Variants in MTUS2 observed in about 807,000 individuals in gnomAD.
The protein encoded by MTUS2 is microtubule-associated tumor suppressor candidate 2.
Under a neutral mutation model 114.1 loss-of-function variants are expected in MTUS2, and 40 were observed. The ratio of observed to expected loss-of-function variants is 0.35; its 90% CI spans 0.27 to 0.46. The LOEUF (loss-of-function observed/expected upper bound fraction) is 0.46. Ranked by LOEUF, MTUS2 falls within the 20% of genes least tolerant of loss-of-function variation. The pLI, the probability that MTUS2 is intolerant of heterozygous loss-of-function variation, is 1.00. For synonymous variants in MTUS2, 688 were observed against 672.0 expected (o/e 1.02, Z -0.37); for missense variants, 1,679 against 1,705.4 (o/e 0.98, Z 0.27).
chr13:29,248,449 T>A (rs985636571), intron 5 of MTUS2, among the ~76,000 whole-genome samples: 3 of 152,190 alleles, frequency 2.0e-5, no homozygotes, highest in Admixed American at 1.3e-4. Flanking sequence ...ATTTTCTTTT[T>A]AAAAAAATTT....
chr13:28,950,225 G>T (rs1485795556), intron 2 of MTUS2, among the ~76,000 whole-genome samples: 1 of 151,998 alleles, frequency 6.6e-6, no homozygotes. Flanking sequence ...TCATATTCTT[G>T]TTGGCCATTT....
intron 6 of MTUS2, among the ~76,000 whole-genome samples, chr13:29,299,969 G>T (rs944187282): frequency 1.6e-4 from 24 of 152,084 alleles, no homozygotes; most frequent in African/African-American, 5.8e-4. Context: ...TGGAGGGGGG[G>T]GCACTTGATT....
chr13:28,981,871 C>T (rs572066949), intron 2 of MTUS2, among the ~76,000 whole-genome samples: 22 of 152,302 alleles, frequency 1.4e-4, no homozygotes, highest in African/African-American at 5.1e-4. Context: ...ACCATTGTGT[C>T]ACCCCGAGGC....
intron 5 of MTUS2, among the ~76,000 whole-genome samples, chr13:29,186,200 T>C (rs1894216710): frequency 6.6e-6 from 1 of 152,166 alleles, no homozygotes; most frequent in African/African-American, 2.4e-5. Flanking sequence ...GGCAACTGAG[T>C]GAGACCTTGT....
At chr13:29,188,529 G>A (rs1894315466) in intron 5 of MTUS2, among the ~76,000 whole-genome samples, 1 of 152,104 alleles carries the variant, frequency 6.6e-6, no homozygotes, top group Admixed American at 6.5e-5. Flanking sequence ...GTTTAAATAA[G>A]CAGAGTTTTA....
At chr13:29,312,118 C>T (rs1029505066) in intron 6 of MTUS2, among the ~76,000 whole-genome samples, 18 of 152,320 alleles carry the variant, frequency 1.2e-4, no homozygotes, top group African/African-American at 3.8e-4. Flanking sequence ...CATGTCTCAG[C>T]TCAAACATAA....
At chr13:28,859,217 T>C (rs573482079) in intron 2 of MTUS2, among the ~76,000 whole-genome samples, 2 of 152,300 alleles carry the variant, frequency 1.3e-5, no homozygotes, top group African/African-American at 4.8e-5. Flanking sequence ...TGACCCTGTG[T>C]TGCCCTGTTC....
intron 6 of MTUS2, among the ~76,000 whole-genome samples, chr13:29,286,582 A>C (rs1163361397): frequency 6.6e-6 from 1 of 152,234 alleles, no homozygotes; most frequent in African/African-American, 2.4e-5. Flanking sequence ...TAGTGTGACC[A>C]TAAGTTTCAT....
intron 5 of MTUS2, among the ~76,000 whole-genome samples, chr13:29,131,914 G>A (rs1343654677): frequency 2.0e-5 from 3 of 152,230 alleles, no homozygotes; most frequent in Admixed American, 1.3e-4. Flanking sequence ...GTGTTGTGGT[G>A]CTGCACTAGC....
At chr13:29,105,380 G>A (rs1326972024) in intron 5 of MTUS2, among the ~76,000 whole-genome samples, 5 of 152,218 alleles carry the variant, frequency 3.3e-5, no homozygotes, top group Non-Finnish European at 5.9e-5. Context: ...AGATCATATC[G>A]CCCAAGGATA....
At chr13:29,209,035 A>G (rs1169216815) in intron 5 of MTUS2, among the ~76,000 whole-genome samples, 1 of 152,190 alleles carries the variant, frequency 6.6e-6, no homozygotes, top group East Asian at 1.9e-4. Flanking sequence ...GAAGTCTCCC[A>G]CTTATTATTG....
intron 8 of MTUS2, among the ~76,000 whole-genome samples, chr13:29,387,851 G>A (rs914396953): frequency 3.9e-5 from 6 of 152,056 alleles, no homozygotes; most frequent in East Asian, 1.9e-4. Context: ...CTGAAGTCCC[G>A]TGAAAGGCAG....
intron 8 of MTUS2, among the ~76,000 whole-genome samples, chr13:29,393,291 T>A (rs934335769): frequency 1.3e-5 from 2 of 151,910 alleles, no homozygotes; most frequent in Admixed American, 1.3e-4. Context: ...ACATGCCATT[T>A]GTTTTTCCTT....
chr13:29,144,814 A>T (rs543558367), intron 5 of MTUS2, among the ~76,000 whole-genome samples: 2 of 152,336 alleles, frequency 1.3e-5, no homozygotes, highest in South Asian at 4.1e-4. Flanking sequence ...TAAATAAGTC[A>T]CAGGTTCCAC....
intron 5 of MTUS2, among the ~76,000 whole-genome samples, chr13:29,197,938 A>G (rs559203582): frequency 3.8e-4 from 58 of 152,284 alleles, no homozygotes; most frequent in African/African-American, 1.3e-3. Flanking sequence ...TTTCTTGTAG[A>G]TTCTGGATAT....
chr13:29,186,533 T>A (rs1221955783), intron 5 of MTUS2, among the ~76,000 whole-genome samples: 1 of 152,150 alleles, frequency 6.6e-6, no homozygotes, highest in Non-Finnish European at 1.5e-5. Flanking sequence ...TCATTAGAGA[T>A]GAGAGATAAA....
chr13:29,196,964 A>T (rs963191344), intron 5 of MTUS2, among the ~76,000 whole-genome samples: 2 of 152,214 alleles, frequency 1.3e-5, no homozygotes, highest in Non-Finnish European at 2.9e-5. Flanking sequence ...TCTTTGGGGC[A>T]TATACCCAGA....
intron 6 of MTUS2, among the ~76,000 whole-genome samples, chr13:29,286,851 G>A (rs935935746): frequency 4.6e-5 from 7 of 152,094 alleles, no homozygotes; most frequent in Middle Eastern, 6.8e-3. Context: ...CCACCACACC[G>A]GGCTAATTTT....
intron 4 of MTUS2, among the ~76,000 whole-genome samples, chr13:29,046,125 T>TTTG (rs1234996777): frequency 1.3e-5 from 2 of 151,304 alleles, no homozygotes; most frequent in Admixed American, 6.6e-5. Context: ...GTATTTTTTT[T>TTTG]TTTTTTGAGC....
Sources: allele counts gnomAD v4.1 joint callset (sites outside exome capture counted in the v4.1 genomes callset), GRCh38; gene constraint gnomAD v4.1.1; transcripts MANE v1.5; gene names NCBI Gene and HGNC (gene_info 2026-07-23, HGNC 2026-07-21).